The following PLB1 variants were observed in gnomAD, a reference collection of about 807,000 sequenced individuals.
PLB1 encodes phospholipase B1, membrane-associated.
PLB1 carries 242 observed loss-of-function variants against 227.4 expected under a neutral mutation model. The ratio of observed to expected loss-of-function variants is 1.06; its 90% confidence interval spans 0.96 to 1.18. The LOEUF (loss-of-function observed/expected upper bound fraction) is 1.18. Ranked by LOEUF, PLB1 falls within the 50% of genes most tolerant of loss-of-function variation. The probability of loss-of-function intolerance (pLI) is 0.00; values close to 1 mark genes in which losing one functional copy is unlikely to be tolerated. For synonymous variants in PLB1, 757 were observed against 682.2 expected, an observed-to-expected ratio of 1.11 and a Z score of -1.71; for missense variants, 1,858 against 1,816.3, an observed-to-expected ratio of 1.02 and a Z score of -0.42.
rs1688115377 is a variant in PLB1 at position 28,628,446 on chromosome 2, G to A, written c.3661-117G>A. The A allele has an allele frequency of 2.8e-5, 24 of 845,596 alleles. 1 individual carries two copies. The highest frequency in any genetic ancestry group is 2.6e-4 in the South Asian group (18 of 69,098). The allele number at this position is 845,596 out of a possible 1,614,324, so 52.4% of individuals were successfully genotyped here. On this transcript the variant is annotated intron_variant, in intron 51 of 57. Coordinates refer to ENST00000327757, the MANE Select transcript of PLB1 (RefSeq NM_153021.5). ...GCTTCTCAGTTTGACCAGGACCACC[G>A]AAGCCCCTCTGTACCCACTCAGTCA...
chr2:28,633,956 G>A (rs900398336), intron 56 of PLB1, among the ~76,000 whole-genome samples: 13 of 152,070 alleles, frequency 8.5e-5, no homozygotes, highest in East Asian at 1.9e-4. Context: ...GCCAACCACC[G>A]CTGTGCAAAC....
rs571779418 is a variant in PLB1, at chr2:28,538,461, T to G, written c.618+80T>G. The G allele has an allele frequency of 3.0e-6, 4 of 1,329,078 alleles. No individual in the cohort carries two copies. In the South Asian group the frequency reaches 5.1e-5, roughly 17 times the overall value. 82.3% of individuals were successfully genotyped at this position (1,329,078 alleles called of 1,614,324 possible). On this transcript the variant is annotated intron_variant, in intron 10 of 57. Transcript: ENST00000327757. ...TGTGGCCTCCACCGGGGTGGGGAAA[T>G]GGACCCCTGTGAGGGAGACTGGGAC...
chr2:28,591,107 C>T (rs1573237386), intron 29 of PLB1, 26 bp from the exon 30 acceptor site: 1 of 1,614,068 alleles, frequency 6.2e-7, no homozygotes, highest in Non-Finnish European at 8.5e-7. Flanking sequence ...AATTTGCTGC[C>T]ATTGCTCACC....
At chr2:28,545,004 A>C (rs1459602659) in intron 14 of PLB1, among the ~76,000 whole-genome samples, 2 of 152,168 alleles carry the variant, frequency 1.3e-5, no homozygotes, top group African/African-American at 2.4e-5. Context: ...TAGCAATAAT[A>C]ACCACCTTTA....
chr2:28,589,647 T>G (rs1274865771), intron 27 of PLB1, 28 bp from the exon 28 acceptor site: 2 of 1,610,982 alleles, frequency 1.2e-6, no homozygotes, highest in Non-Finnish European at 1.7e-6. Context: ...TGTCTATAAC[T>G]GCCTCTCTTT....
rs539578438 is a variant in PLB1, at chr2:28,639,697, G to A, written c.4099-1230G>A. Among the ~76,000 whole-genome samples the A allele has an allele frequency of 1.8e-4, 28 of 152,290 alleles. 1 individual carries two copies. The East Asian group carries it at 2.3e-3, about 13-fold the overall frequency. On this transcript the variant is annotated intron_variant, in intron 56 of 57. Transcript: ENST00000327757. Reference sequence around the variant, plus strand: ...AGTTCTGGGTTCCTGGAATAGCATCGGGAATCAGCCGCGCTGACCTTTAGC... The same window carrying A: ...AGTTCTGGGTTCCTGGAATAGCATCAGGAATCAGCCGCGCTGACCTTTAGC...
At position 28,617,759 on chromosome 2, in the gene PLB1, GA is replaced by G. The variant is rs1686400478; in HGVS notation, c.3230del (p.Lys1077ArgfsTer28). On this transcript the variant is annotated frameshift_variant, in exon 45 of 58. Coordinates refer to ENST00000327757, the MANE Select transcript of PLB1 (RefSeq NM_153021.5). LOFTEE classifies it high-confidence loss of function. ...GCAGTGACTTCCTGTGTACAGAGTG[GA>G]AGGCTTCCAATAGTGTTCCAACCTC... ...WGSDFLCTEW[K>X]ASNSVPTSVH... 3.7e-6 allele frequency: 6 copies of G among 1,614,158 alleles called. No individual in the cohort carries two copies. The highest frequency in any genetic ancestry group is 5.1e-6 in the Non-Finnish European group (6 of 1,180,002).
At chr2:28,627,583 T>G (rs1478259812) in intron 51 of PLB1, among the ~76,000 whole-genome samples, 4 of 152,218 alleles carry the variant, frequency 2.6e-5, no homozygotes, top group Admixed American at 2.6e-4. Flanking sequence ...ATTTTAACTC[T>G]TCGGCATGGA....
chr2:28,639,892 C>T (rs146011244), intron 56 of PLB1, among the ~76,000 whole-genome samples: 1 of 152,278 alleles, frequency 6.6e-6, no homozygotes, highest in Non-Finnish European at 1.5e-5. Flanking sequence ...CATGCCTGTC[C>T]CTAACCTCAG....
chr2:28,575,320 A>G (rs770737177), intron 21 of PLB1, among the ~76,000 whole-genome samples: 2 of 152,102 alleles, frequency 1.3e-5, no homozygotes, highest in Non-Finnish European at 2.9e-5. Context: ...TCTTTTTAGA[A>G]TTGACCATTC....
chr2:28,542,628 C>T (rs1672671036), intron 13 of PLB1, among the ~76,000 whole-genome samples: 28 of 152,122 alleles, frequency 1.8e-4, no homozygotes, highest in Admixed American at 1.8e-3. Flanking sequence ...CCTGCACGCT[C>T]CTCTCCATCC....
intron 9 of PLB1, among the ~76,000 whole-genome samples, chr2:28,534,863 T>TAA (rs1014378426): frequency 7.0e-5 from 6 of 86,120 alleles, no homozygotes; most frequent in African/African-American, 2.0e-4. Flanking sequence ...CAAAAGAAAA[T>TAA]AAAAAAAAAA....
chr2:28,541,757 C>T lies in PLB1; in HGVS notation c.825C>T (p.Ser275=). The T allele has an allele frequency of 1.9e-6, 3 of 1,614,074 alleles. No individual in the cohort carries two copies. Among genetic ancestry groups the T allele is most frequent in the South Asian group, 2.2e-5 (2 of 91,084 alleles). ...LASSRYSEQE[S]FTVVFQPFFY... is the part of the protein sequence containing the mutation. ...CCAGCAGGTACAGTGAGCAGGAGTCCTTCACCGTGGTTTTCCAGCCTTTCT... is the reference window on the plus strand; with the variant it reads ...CCAGCAGGTACAGTGAGCAGGAGTCTTTCACCGTGGTTTTCCAGCCTTTCT... Residue 275 remains serine, a synonymous_variant, in exon 13 of 58, where the codon TCC becomes TCT. Coordinates refer to ENST00000327757, the MANE Select transcript of PLB1 (RefSeq NM_153021.5).
intron 26 of PLB1, among the ~76,000 whole-genome samples, chr2:28,587,309 G>T (rs905702054): frequency 2.0e-5 from 3 of 152,188 alleles, no homozygotes; most frequent in Non-Finnish European, 2.9e-5. Flanking sequence ...ACTTCTAGGG[G>T]CCAAGCCATA....
At chr2:28,529,436 G>T in intron 7 of PLB1, 29 bp downstream of exon 7, 1 of 1,525,532 alleles carries the variant, frequency 6.6e-7, no homozygotes, top group Non-Finnish European at 9.1e-7. Context: ...TCTCTCTGAG[G>T]TTATGTGTTC....
chr2:28,510,625 C>CTTTTTT (rs11396456), intron 1 of PLB1, among the ~76,000 whole-genome samples: 7 of 118,060 alleles, frequency 5.9e-5, no homozygotes, highest in African/African-American at 2.0e-4. Flanking sequence ...TTTTCTCTCT[C>CTTTTTT]TTTTTTTTTT....
At chr2:28,533,645 A>G (rs1052123236) in intron 9 of PLB1, among the ~76,000 whole-genome samples, 4 of 152,214 alleles carry the variant, frequency 2.6e-5, no homozygotes, top group African/African-American at 9.6e-5. Flanking sequence ...TCATTTTCTC[A>G]TCTTACATGC....
intron 57 of PLB1, among the ~76,000 whole-genome samples, chr2:28,642,139 C>T (rs147550829): frequency 2.0e-5 from 3 of 152,336 alleles, no homozygotes; most frequent in Non-Finnish European, 4.4e-5. Context: ...TTCCTGTCTC[C>T]AGACACTGAC....
At chr2:28,589,326 G>T in intron 26 of PLB1, 124 bp from the exon 27 acceptor site, 1 of 699,328 alleles carries the variant, frequency 1.4e-6, no homozygotes. Context: ...TTGAGATTTT[G>T]CACCAGGTTG....
Sources: allele counts gnomAD v4.1 joint callset (sites outside exome capture counted in the v4.1 genomes callset), GRCh38; gene constraint gnomAD v4.1.1; transcripts MANE v1.5; gene names NCBI Gene and HGNC (gene_info 2026-07-23, HGNC 2026-07-21).